RABGAP1L: variants seen among roughly 807,000 people sequenced by gnomAD.
RABGAP1L encodes the protein RAB GTPase activating protein 1 like, also known as rab GTPase-activating protein 1-like.
RABGAP1L carries 63 observed loss-of-function variants against 137.7 expected under a neutral mutation model. The ratio of observed to expected loss-of-function variants is 0.46; its 90% confidence interval spans 0.37 to 0.56. The LOEUF (loss-of-function observed/expected upper bound fraction) is 0.56, where lower values mean the gene tolerates loss of function less well. Ranked by LOEUF, RABGAP1L falls within the 20% of genes least tolerant of loss-of-function variation. RABGAP1L has a pLI of 0.00. For synonymous variants in RABGAP1L, 431 were observed against 433.7 expected (o/e 0.99, Z 0.08); for missense variants, 1,095 against 1,244.0 (o/e 0.88, Z 1.80).
At chr1:174,734,630 C>T (rs749924881) in intron 17 of RABGAP1L, among the ~76,000 whole-genome samples, 27 of 152,054 alleles carry the variant, frequency 1.8e-4, no homozygotes, top group Non-Finnish European at 3.5e-4. Context: ...GAGATAGGAT[C>T]TAATCAAACA....
intron 13 of RABGAP1L, among the ~76,000 whole-genome samples, chr1:174,536,926 GA>G (rs1434247398): frequency 4.6e-5 from 7 of 152,052 alleles, no homozygotes; most frequent in Non-Finnish European, 8.8e-5. Context: ...TTTCTTTGGG[GA>G]AAAAATAGGG....
chr1:174,317,075 G>A (rs928970805), intron 11 of RABGAP1L, among the ~76,000 whole-genome samples: 1 of 151,908 alleles, frequency 6.6e-6, no homozygotes, highest in Non-Finnish European at 1.5e-5. Flanking sequence ...AGGTTTAGAA[G>A]TGCTGTCCAA....
At chr1:174,707,037 G>A (rs1273587370) in intron 17 of RABGAP1L, among the ~76,000 whole-genome samples, 1 of 152,102 alleles carries the variant, frequency 6.6e-6, no homozygotes, top group East Asian at 1.9e-4. Context: ...TTGTCTTTTA[G>A]TTAACGTACC....
intron 11 of RABGAP1L, among the ~76,000 whole-genome samples, chr1:174,339,351 T>C (rs1005363368): frequency 1.3e-5 from 2 of 152,172 alleles, no homozygotes; most frequent in African/African-American, 4.8e-5. Flanking sequence ...AGTATTTCAT[T>C]ATACAGGTGT....
intron 14 of RABGAP1L, among the ~76,000 whole-genome samples, chr1:174,655,375 A>G (rs112575413): frequency 3.9e-5 from 6 of 152,240 alleles, no homozygotes; most frequent in African/African-American, 1.4e-4. Context: ...CGAAGATTAC[A>G]GGCCATTTTT....
At chr1:174,319,754 A>G (rs1046656709) in intron 11 of RABGAP1L, among the ~76,000 whole-genome samples, 3 of 152,156 alleles carry the variant, frequency 2.0e-5, no homozygotes, top group Non-Finnish European at 4.4e-5. Context: ...TTTTATCATG[A>G]ATAAGTATTG....
chr1:174,335,096 C>T (rs1681362122), intron 11 of RABGAP1L, among the ~76,000 whole-genome samples: 1 of 152,018 alleles, frequency 6.6e-6, no homozygotes, highest in South Asian at 2.1e-4. Context: ...TAAAAAAAAG[C>T]TACGAAAATT....
At chr1:174,423,854 AT>A (rs1651643987) in intron 13 of RABGAP1L, among the ~76,000 whole-genome samples, 1 of 152,052 alleles carries the variant, frequency 6.6e-6, no homozygotes, top group Admixed American at 6.5e-5. Context: ...TTTAATGTTC[AT>A]TTTACTTTTG....
chr1:174,227,244 AG>A (rs908611010), intron 3 of RABGAP1L, among the ~76,000 whole-genome samples: 53 of 136,360 alleles, frequency 3.9e-4, no homozygotes, highest in African/African-American at 1.4e-3. Context: ...CTTGTTGCCT[AG>A]GCTGGAGTGC....
intron 19 of RABGAP1L, chr1:174,892,327 A>G (rs765463484): frequency 6.0e-6 from 2 of 332,480 alleles, no homozygotes; most frequent in Non-Finnish European, 1.2e-5. Flanking sequence ...CCATTGCTGA[A>G]AAGTCTAGTG....
chr1:174,366,120 A>G (rs1270117509), intron 11 of RABGAP1L, among the ~76,000 whole-genome samples: 1 of 152,210 alleles, frequency 6.6e-6, no homozygotes, highest in Non-Finnish European at 1.5e-5. Context: ...CAAGAAGTCT[A>G]GCACTTTATG....
intron 13 of RABGAP1L, among the ~76,000 whole-genome samples, chr1:174,624,110 C>T (rs540476751): frequency 1.1e-4 from 17 of 152,206 alleles, no homozygotes; most frequent in Non-Finnish European, 1.9e-4. Context: ...TATGAATTCC[C>T]TTCTGCAGTC....
intron 1 of RABGAP1L, among the ~76,000 whole-genome samples, chr1:174,171,416 C>CA (rs1665371822): frequency 6.6e-6 from 1 of 152,016 alleles, no homozygotes; most frequent in Non-Finnish European, 1.5e-5. Context: ...TACACAGATA[C>CA]AAAATCATGA....
At chr1:174,722,329 T>C (rs1392690453) in intron 17 of RABGAP1L, among the ~76,000 whole-genome samples, 2 of 152,232 alleles carry the variant, frequency 1.3e-5, no homozygotes, top group African/African-American at 4.8e-5. Flanking sequence ...GATTCTACAC[T>C]TACACGAATG....
At chr1:174,200,601 C>T (rs1156868789) in intron 1 of RABGAP1L, among the ~76,000 whole-genome samples, 3 of 152,124 alleles carry the variant, frequency 2.0e-5, no homozygotes, top group Admixed American at 6.5e-5. Context: ...TTGAAGGTTA[C>T]AAATTGTGTT....
At chr1:174,739,249 C>T (rs1231107082) in intron 17 of RABGAP1L, among the ~76,000 whole-genome samples, 3 of 152,082 alleles carry the variant, frequency 2.0e-5, no homozygotes, top group Admixed American at 1.3e-4. Context: ...ACTTTTAGTA[C>T]CCAAAGTTGT....
At chr1:174,332,378 ATTTT>A (rs1227045105) in intron 11 of RABGAP1L, among the ~76,000 whole-genome samples, 3 of 132,578 alleles carry the variant, frequency 2.3e-5, no homozygotes, top group South Asian at 5.1e-4. Context: ...TTTTATCTAA[ATTTT>A]TATTTATTTA....
At chr1:174,363,001 A>G (rs1396120317) in intron 11 of RABGAP1L, among the ~76,000 whole-genome samples, 1 of 151,746 alleles carries the variant, frequency 6.6e-6, no homozygotes, top group Admixed American at 6.6e-5. Flanking sequence ...AATCTTCTGC[A>G]TATGGCTAGC....
At chr1:174,354,692 T>C (rs1412264431) in intron 11 of RABGAP1L, among the ~76,000 whole-genome samples, 1 of 152,216 alleles carries the variant, frequency 6.6e-6, no homozygotes, top group Non-Finnish European at 1.5e-5. Context: ...ATTTTGGCTT[T>C]TGTTGCCATT....
Sources: allele counts gnomAD v4.1 joint callset (sites outside exome capture counted in the v4.1 genomes callset), GRCh38; gene constraint gnomAD v4.1.1; transcripts MANE v1.5; gene names NCBI Gene and HGNC (gene_info 2026-07-23, HGNC 2026-07-21).